The following WWOX variants were observed in gnomAD, a reference collection of about 807,000 sequenced individuals.
The protein encoded by WWOX is WW domain-containing oxidoreductase.
Under a neutral mutation model 46.2 loss-of-function variants are expected in WWOX, and 69 were observed. The ratio of observed to expected loss-of-function variants is 1.49; its 90% CI spans 1.23 to 1.82. WWOX has a LOEUF of 1.82. Ranked by LOEUF, WWOX falls within the 40% of genes most tolerant of loss-of-function variation. The pLI is 0.00. For synonymous variants in WWOX, 359 were observed against 202.6 expected, an observed-to-expected ratio of 1.77 and a Z score of -6.56; for missense variants, 919 against 542.6, an observed-to-expected ratio of 1.69 and a Z score of -6.89.
At chr16:78,339,366 GA>G (rs373351631) in intron 5 of WWOX, among the ~76,000 whole-genome samples, 7,952 of 70,864 alleles carry the variant, frequency 0.11, 1,740 homozygotes, top group East Asian at 0.2. Flanking sequence ...CCTTTTATTA[GA>G]AAAAAAAAAA....
At chr16:78,190,719 C>G (rs1310244879) in intron 5 of WWOX, among the ~76,000 whole-genome samples, 1 of 152,074 alleles carries the variant, frequency 6.6e-6, no homozygotes, top group Non-Finnish European at 1.5e-5. Context: ...GGTATGAAAC[C>G]CAGCTCATTT....
At chr16:78,695,149 G>A (rs979608222) in intron 8 of WWOX, among the ~76,000 whole-genome samples, 2 of 152,246 alleles carry the variant, frequency 1.3e-5, no homozygotes, top group East Asian at 3.9e-4. Context: ...AATTTCAAAT[G>A]AAATATGAAC....
intron 8 of WWOX, among the ~76,000 whole-genome samples, chr16:79,189,418 C>A (rs2051084429): frequency 6.9e-6 from 1 of 143,912 alleles, no homozygotes; most frequent in Non-Finnish European, 1.5e-5. Flanking sequence ...CCACCACTCC[C>A]AGCTTTGTGT....
intron 8 of WWOX, among the ~76,000 whole-genome samples, chr16:79,079,174 T>G (rs2048714550): frequency 6.6e-6 from 1 of 152,216 alleles, no homozygotes; most frequent in South Asian, 2.1e-4. Flanking sequence ...ACGGGCTCCT[T>G]CTATCTTCTG....
At chr16:78,505,710 C>G (rs879799359) in intron 8 of WWOX, among the ~76,000 whole-genome samples, 2 of 149,864 alleles carry the variant, frequency 1.3e-5, no homozygotes, top group African/African-American at 2.6e-5. Flanking sequence ...TCTGCTCTCC[C>G]TAGCACAGGG....
At chr16:79,210,407 C>T (rs1456688492) in intron 8 of WWOX, among the ~76,000 whole-genome samples, 3 of 152,184 alleles carry the variant, frequency 2.0e-5, no homozygotes, top group Non-Finnish European at 4.4e-5. Flanking sequence ...CTCCAGTAAG[C>T]ACCCTGCATG....
chr16:78,454,158 C>G (rs975991736), intron 8 of WWOX, among the ~76,000 whole-genome samples: 12 of 152,178 alleles, frequency 7.9e-5, no homozygotes, highest in African/African-American at 2.9e-4. Flanking sequence ...CGGGCATACT[C>G]CTAATCTAAT....
intron 2 of WWOX, among the ~76,000 whole-genome samples, chr16:78,108,932 G>A (rs535612982): frequency 5.9e-5 from 9 of 152,312 alleles, no homozygotes; most frequent in Admixed American, 2.0e-4. Flanking sequence ...AGGTTGCAGT[G>A]AGCCAAGATC....
chr16:78,469,443 G>A (rs573711743), intron 8 of WWOX, among the ~76,000 whole-genome samples: 2 of 152,308 alleles, frequency 1.3e-5, no homozygotes, highest in East Asian at 3.9e-4. Context: ...GCAACAAGGA[G>A]ACTAGTGTTC....
rs143428217 is a variant in WWOX at position 78,446,358 on chromosome 16, T to TCC, written c.1056+13607_1056+13608insCC. Among the ~76,000 whole-genome samples the TCC allele has an allele frequency of 1.3e-4, 20 of 152,280 alleles. No individual in the cohort carries two copies. In the East Asian group the frequency reaches 3.7e-3, roughly 28 times the overall value. On this transcript the variant is annotated intron_variant, in intron 8 of 8. Transcript: ENST00000566780. ...CCACTTACTTTCTCCATGGCCTTGG[T>TCC]CAACATCCTGAAGTCTCAGGTCCTT...
At chr16:79,110,863 T>A (rs2049403450) in intron 8 of WWOX, 1 of 152,206 alleles carries the variant, frequency 6.6e-6, no homozygotes, top group Admixed American at 6.5e-5. Flanking sequence ...TTTCTCATCA[T>A]TAAAATGAGA....
chr16:78,804,028 A>G (rs964370450), intron 8 of WWOX, among the ~76,000 whole-genome samples: 14 of 152,216 alleles, frequency 9.2e-5, no homozygotes, highest in Middle Eastern at 6.8e-3. Flanking sequence ...CCCCATCACT[A>G]TGAGATGGAA....
chr16:78,508,340 T>A (rs932573267), intron 8 of WWOX, among the ~76,000 whole-genome samples: 2 of 121,816 alleles, frequency 1.6e-5, no homozygotes, highest in African/African-American at 3.0e-5. Context: ...TTTTTTTTTT[T>A]AACGCTCATC....
At chr16:78,206,659 C>A (rs1346112885) in intron 5 of WWOX, among the ~76,000 whole-genome samples, 1 of 152,098 alleles carries the variant, frequency 6.6e-6, no homozygotes, top group Admixed American at 6.5e-5. Context: ...TTTGTAGATA[C>A]AATTAATAGT....
intron 8 of WWOX, among the ~76,000 whole-genome samples, chr16:78,573,741 C>G (rs141474664): frequency 1.3e-5 from 2 of 152,204 alleles, no homozygotes; most frequent in Admixed American, 1.3e-4. Flanking sequence ...GGTTCACTTG[C>G]TTCCTGTCCT....
At chr16:78,765,757 C>G (rs564227514) in intron 8 of WWOX, among the ~76,000 whole-genome samples, 2 of 152,228 alleles carry the variant, frequency 1.3e-5, no homozygotes, top group East Asian at 3.9e-4. Context: ...GAGGGACTGG[C>G]ATGGAGAGAA....
chr16:79,034,909 A>G (rs8055815), intron 8 of WWOX, among the ~76,000 whole-genome samples: 67,575 of 151,978 alleles, frequency 0.44, 15,431 homozygotes, highest in East Asian at 0.67. Flanking sequence ...ATAGCATTAA[A>G]TACATTTTGC....
At chr16:78,524,384 T>G (rs1567621488) in intron 8 of WWOX, among the ~76,000 whole-genome samples, 3 of 135,764 alleles carry the variant, frequency 2.2e-5, no homozygotes, top group Admixed American at 8.3e-5. Flanking sequence ...TGACTAGAGA[T>G]TTCATTTATT....
intron 8 of WWOX, among the ~76,000 whole-genome samples, chr16:78,770,599 C>G (rs2050040267): frequency 6.6e-6 from 1 of 152,184 alleles, no homozygotes; most frequent in Non-Finnish European, 1.5e-5. Flanking sequence ...TGGGAGGTGC[C>G]TACCAAGGAA....
Sources: allele counts gnomAD v4.1 joint callset (sites outside exome capture counted in the v4.1 genomes callset), GRCh38; gene constraint gnomAD v4.1.1; transcripts MANE v1.5; gene names NCBI Gene and HGNC (gene_info 2026-07-23, HGNC 2026-07-21).